Variants in GNA14 observed in about 807,000 individuals in gnomAD.
GNA14 encodes the protein guanine nucleotide-binding protein subunit alpha-14.
A neutral mutation model predicts 42.0 loss-of-function variants in GNA14; 50 were observed. The ratio of observed to expected loss-of-function variants is 1.19; its 90% CI spans 0.95 to 1.51. The LOEUF is 1.51. Among genes scored for constraint, GNA14 ranks in the 40% most tolerant of loss-of-function variants. The probability of loss-of-function intolerance (pLI) is 0.00; values close to 1 mark genes in which losing one functional copy is unlikely to be tolerated. For synonymous variants in GNA14, 173 were observed against 163.1 expected (o/e 1.06, Z -0.46); for missense variants, 473 against 446.2 (o/e 1.06, Z -0.54).
chr9:77,645,264 C>G (rs1824334972), intron 1 of GNA14, among the ~76,000 whole-genome samples: 1 of 152,228 alleles, frequency 6.6e-6, no homozygotes, highest in Non-Finnish European at 1.5e-5. Context: ...AGTGGATGCT[C>G]TAATCTACCC....
intron 1 of GNA14, among the ~76,000 whole-genome samples, chr9:77,597,068 G>A (rs1293277584): frequency 1.3e-5 from 2 of 152,110 alleles, no homozygotes; most frequent in Non-Finnish European, 2.9e-5. Flanking sequence ...CCTCAAGCTT[G>A]GCAAAATAAA....
At chr9:77,442,707 T>C (rs1403117657) in intron 2 of GNA14, among the ~76,000 whole-genome samples, 3 of 152,236 alleles carry the variant, frequency 2.0e-5, no homozygotes, top group Admixed American at 6.5e-5. Context: ...TCCAGACACC[T>C]GGCAGAAGAA....
chr9:77,486,419 A>G (rs186804543), intron 2 of GNA14, among the ~76,000 whole-genome samples: 17 of 152,230 alleles, frequency 1.1e-4, no homozygotes, highest in Non-Finnish European at 1.8e-4. Flanking sequence ...AACTTTCTCC[A>G]TATCAGCAAT....
At chr9:77,541,732 TTTTC>T (rs1837663133) in intron 1 of GNA14, among the ~76,000 whole-genome samples, 5 of 151,236 alleles carry the variant, frequency 3.3e-5, no homozygotes, top group Middle Eastern at 6.8e-3. Flanking sequence ...GCACTTTCTT[TTTTC>T]TTTTTTTCTT....
intron 2 of GNA14, among the ~76,000 whole-genome samples, chr9:77,462,613 C>T (rs936046014): frequency 8.6e-5 from 13 of 151,358 alleles, no homozygotes; most frequent in Non-Finnish European, 1.6e-4. Context: ...CCCGGCTACT[C>T]GGGAGGCTGA....
In GNA14 at chr9:77,492,478, G is replaced by A. The variant is rs143366768; in HGVS notation, c.309+36591C>T. On this transcript the variant is annotated intron_variant, in intron 2 of 6. Coordinates refer to ENST00000341700, the MANE Select transcript of GNA14 (RefSeq NM_004297.4). ...AAATAAAATCTGAAACAAAAAAGGA[G>A]ACGTAACAACTGACATCCCGGAAAT... is the stretch of plus-strand genomic sequence containing the variant. Among the ~76,000 whole-genome samples, 149 of 152,102 alleles carry A rather than the reference G, an allele frequency of 9.8e-4. 1 individual carries two copies. In the South Asian group the frequency reaches 0.011, roughly 12 times the overall value.
chr9:77,459,193 A>G (rs6560596), intron 2 of GNA14, among the ~76,000 whole-genome samples: 93,111 of 151,622 alleles, frequency 0.61, 30,505 homozygotes, highest in African/African-American at 0.85. Context: ...CTGAGATCAC[A>G]TCACTGCCCT....
At chr9:77,568,805 A>T (rs963348574) in intron 1 of GNA14, among the ~76,000 whole-genome samples, 8 of 152,176 alleles carry the variant, frequency 5.3e-5, no homozygotes, top group African/African-American at 1.9e-4. Flanking sequence ...CAGGCTGCAG[A>T]GGAGATGGGG....
intron 2 of GNA14, among the ~76,000 whole-genome samples, chr9:77,500,745 C>G (rs1485956858): frequency 1.3e-5 from 2 of 152,206 alleles, no homozygotes; most frequent in African/African-American, 4.8e-5. Flanking sequence ...GCATAAGTCT[C>G]TGAAGATTCA....
At chr9:77,517,518 G>C (rs1022382349) in intron 2 of GNA14, 1 of 150,136 alleles carries the variant, frequency 6.7e-6, no homozygotes, top group African/African-American at 2.5e-5. Flanking sequence ...CACATTGGAG[G>C]ACACAGGTTC....
chr9:77,643,380 C>G (rs1416388424), intron 1 of GNA14, among the ~76,000 whole-genome samples: 1 of 151,998 alleles, frequency 6.6e-6, no homozygotes, highest in Non-Finnish European at 1.5e-5. Flanking sequence ...GCTGGGATTA[C>G]AAGCATGTGC....
intron 1 of GNA14, among the ~76,000 whole-genome samples, chr9:77,577,792 C>A (rs1823152053): frequency 6.6e-6 from 1 of 152,018 alleles, no homozygotes; most frequent in Admixed American, 6.6e-5. Context: ...CATCAAATGG[C>A]CTCAAAACTT....
intron 1 of GNA14, among the ~76,000 whole-genome samples, chr9:77,607,032 C>T (rs1242268978): frequency 6.6e-6 from 1 of 152,162 alleles, no homozygotes; most frequent in African/African-American, 2.4e-5. Flanking sequence ...TCTCAGACTT[C>T]CCAGCCTCTG....
At chr9:77,519,902 C>T (rs1175317373) in intron 2 of GNA14, among the ~76,000 whole-genome samples, 4 of 151,980 alleles carry the variant, frequency 2.6e-5, no homozygotes, top group South Asian at 2.1e-4. Context: ...CCCAGCTACT[C>T]GGGGGACTGA....
At chr9:77,506,273 C>T (rs1048721283) in intron 2 of GNA14, among the ~76,000 whole-genome samples, 5 of 146,322 alleles carry the variant, frequency 3.4e-5, no homozygotes, top group Non-Finnish European at 7.5e-5. Flanking sequence ...CAGAGTGAGA[C>T]CCTGTCTCTT....
intron 2 of GNA14, among the ~76,000 whole-genome samples, chr9:77,438,116 G>A (rs1025331083): frequency 1.3e-5 from 2 of 152,250 alleles, no homozygotes; most frequent in African/African-American, 4.8e-5. Context: ...CCGGGTGAGG[G>A]GAATTTGGAG....
chr9:77,435,050 TAAAAAAAAAAA>T (rs3052358), intron 2 of GNA14, among the ~76,000 whole-genome samples: 2 of 119,278 alleles, frequency 1.7e-5, no homozygotes, highest in Non-Finnish European at 3.6e-5. Flanking sequence ...TTCTTTCATT[TAAAAAAAAAAA>T]AAAAAAAAAA....
At chr9:77,520,013 A>G (rs1446491122) in intron 2 of GNA14, among the ~76,000 whole-genome samples, 6 of 152,162 alleles carry the variant, frequency 3.9e-5, no homozygotes, top group Non-Finnish European at 1.5e-5. Flanking sequence ...CATCTCAAGA[A>G]AGTAAAAATA....
intron 2 of GNA14, among the ~76,000 whole-genome samples, chr9:77,517,821 T>C (rs981390215): frequency 1.2e-4 from 18 of 151,798 alleles, no homozygotes; most frequent in African/African-American, 4.4e-4. Flanking sequence ...CCCAGGCTGG[T>C]CTTGAACTCC....
Sources: gnomAD v4.1 joint callset for allele counts (sites outside exome capture counted in the v4.1 genomes callset) on GRCh38, gnomAD v4.1.1 for gene constraint, MANE v1.5 for transcripts, NCBI Gene and HGNC (gene_info 2026-07-23, HGNC 2026-07-21) for gene names.